The following NECTIN3 variants were observed in gnomAD, a reference collection of about 807,000 sequenced individuals.
NECTIN3 encodes nectin-3.
Under a neutral mutation model 49.4 loss-of-function variants are expected in NECTIN3, and 8 were observed. The observed-to-expected ratio is 0.16, with a 90% CI of 0.10 to 0.29. The LOEUF (loss-of-function observed/expected upper bound fraction) is 0.29, where lower values mean the gene tolerates loss of function less well. NECTIN3 is among the 10% of genes least tolerant of loss of function. NECTIN3 has a pLI of 1.00. For missense variants in NECTIN3, 581 were observed against 654.6 expected, an observed-to-expected ratio of 0.89 and a Z score of 1.23; for synonymous variants, 277 against 241.1, an observed-to-expected ratio of 1.15 and a Z score of -1.38.
downstream of NECTIN3, among the ~76,000 whole-genome samples, chr3:111,139,214 A>G (rs1314670195): frequency 6.6e-6 from 1 of 151,730 alleles, no homozygotes; most frequent in African/African-American, 2.4e-5. Flanking sequence ...ATTAATAATA[A>G]TTCCCTAACA....
At chr3:111,126,431 GA>G in intron 5 of NECTIN3, 96 bp downstream of exon 5, 3 of 1,044,834 alleles carry the variant, frequency 2.9e-6, no homozygotes, top group Non-Finnish European at 4.2e-6. Context: ...TACTTGTAAA[GA>G]TACAGATTCC....
At chr3:111,104,875 A>G (rs1284043002) in intron 1 of NECTIN3, among the ~76,000 whole-genome samples, 1 of 152,138 alleles carries the variant, frequency 6.6e-6, no homozygotes, top group African/African-American at 2.4e-5. Context: ...TTCTAGATAA[A>G]TTTTAGAACA....
At chr3:111,082,244 T>C (rs187005883) in intron 1 of NECTIN3, among the ~76,000 whole-genome samples, 5 of 152,210 alleles carry the variant, frequency 3.3e-5, no homozygotes, top group Non-Finnish European at 5.9e-5. Context: ...TTTTGAGCTG[T>C]AGCTGGAAAT....
At chr3:111,084,473 A>C (rs1433869410) in intron 1 of NECTIN3, among the ~76,000 whole-genome samples, 1 of 152,214 alleles carries the variant, frequency 6.6e-6, no homozygotes, top group Non-Finnish European at 1.5e-5. Context: ...GTACTGTGAA[A>C]GACTAGCCGA....
intron 7 of NECTIN3, among the ~76,000 whole-genome samples, chr3:111,169,702 A>G (rs919188718): frequency 1.3e-5 from 2 of 152,186 alleles, no homozygotes; most frequent in African/African-American, 4.8e-5. Context: ...TCCTGGAAAG[A>G]TGCCTAAAAT....
intron 5 of NECTIN3, among the ~76,000 whole-genome samples, chr3:111,129,525 G>C (rs988874206): frequency 2.6e-5 from 4 of 152,150 alleles, no homozygotes; most frequent in South Asian, 2.1e-4. Context: ...AAAACAATCA[G>C]GAATCAATTT....
intron 7 of NECTIN3, among the ~76,000 whole-genome samples, chr3:111,162,210 A>G (rs559205151): frequency 1.3e-5 from 2 of 152,150 alleles, no homozygotes; most frequent in Non-Finnish European, 2.9e-5. Context: ...CTTTAAAAAA[A>G]AATCTCAGTC....
At chr3:111,180,943 T>TA (rs879822106) in intron 7 of NECTIN3, among the ~76,000 whole-genome samples, 221 of 152,294 alleles carry the variant, frequency 1.5e-3, no homozygotes, top group Non-Finnish European at 2.4e-3. Context: ...GAGTTTTTTT[T>TA]AAAAAAACTT....
chr3:111,088,501 T>C (rs2032064711), intron 1 of NECTIN3, among the ~76,000 whole-genome samples: 1 of 152,220 alleles, frequency 6.6e-6, no homozygotes, highest in Non-Finnish European at 1.5e-5. Context: ...TTATCGTGAC[T>C]AGGTACTTAA....
At chr3:111,102,813 T>G (rs1482036693) in intron 1 of NECTIN3, among the ~76,000 whole-genome samples, 1 of 152,212 alleles carries the variant, frequency 6.6e-6, no homozygotes, top group Non-Finnish European at 1.5e-5. Flanking sequence ...CTATTTCAAG[T>G]TAATTTTTGT....
intron 7 of NECTIN3, among the ~76,000 whole-genome samples, chr3:111,148,575 G>A (rs1047825123): frequency 1.3e-5 from 2 of 152,070 alleles, no homozygotes; most frequent in African/African-American, 2.4e-5. Flanking sequence ...TTTGGTTTTG[G>A]TCTGGATTTG....
chr3:111,099,041 T>C (rs576625295), intron 1 of NECTIN3, among the ~76,000 whole-genome samples: 36 of 152,324 alleles, frequency 2.4e-4, no homozygotes, highest in African/African-American at 8.7e-4. Flanking sequence ...TTATAAACTT[T>C]CCTTGTGTTT....
chr3:111,120,601 A>C (rs150326498), intron 3 of NECTIN3, among the ~76,000 whole-genome samples: 18 of 152,100 alleles, frequency 1.2e-4, no homozygotes, highest in African/African-American at 4.3e-4. Flanking sequence ...TCAAAAGTTC[A>C]ATTTTTTACC....
chr3:111,092,510 A>G (rs2107396024), intron 1 of NECTIN3, among the ~76,000 whole-genome samples: 1 of 152,220 alleles, frequency 6.6e-6, no homozygotes, highest in African/African-American at 2.4e-5. Flanking sequence ...CATTTTTTTA[A>G]TATGGATATC....
chr3:111,164,286 A>G lies in NECTIN3; in HGVS notation c.1221+16802A>G, dbSNP rs190107366. 1.8e-3 allele frequency among the ~76,000 whole-genome samples: 281 copies of G among 152,308 alleles called. 1 individual carries two copies. The highest frequency in any genetic ancestry group is 3.2e-3 in the Non-Finnish European group (218 of 68,026). On this transcript the variant is annotated intron_variant, in intron 7 of 8. Coordinates refer to the NECTIN3 transcript ENST00000493615. Reference sequence around the variant, plus strand: ...GTTTAATTTACTCAAATATAATTATATTTGTTAAATATTTAGAGGCTTCAC... The same window carrying G: ...GTTTAATTTACTCAAATATAATTATGTTTGTTAAATATTTAGAGGCTTCAC...
At chr3:111,098,218 G>T (rs1231556187) in intron 1 of NECTIN3, among the ~76,000 whole-genome samples, 2 of 152,146 alleles carry the variant, frequency 1.3e-5, no homozygotes, top group Non-Finnish European at 2.9e-5. Flanking sequence ...CCCTGTTTTT[G>T]TTCATGTTAT....
At chr3:111,179,051 T>C (rs1576182942) in intron 7 of NECTIN3, among the ~76,000 whole-genome samples, 1 of 152,208 alleles carries the variant, frequency 6.6e-6, no homozygotes, top group African/African-American at 2.4e-5. Flanking sequence ...ATAAGGCAGG[T>C]AGTAAGGGAA....
intron 1 of NECTIN3, among the ~76,000 whole-genome samples, chr3:111,095,603 T>G (rs1436807064): frequency 6.6e-6 from 1 of 152,232 alleles, no homozygotes. Flanking sequence ...GGTTTGGTGG[T>G]GTCCTCACCC....
chr3:111,085,700 A>ATT (rs139730502), intron 1 of NECTIN3, among the ~76,000 whole-genome samples: 2 of 142,600 alleles, frequency 1.4e-5, no homozygotes, highest in South Asian at 2.2e-4. Flanking sequence ...ATGTAGCAGT[A>ATT]TTTTTTTTTT....
Sources: gnomAD v4.1 joint callset for allele counts (sites outside exome capture counted in the v4.1 genomes callset) on GRCh38, gnomAD v4.1.1 for gene constraint, MANE v1.5 for transcripts, NCBI Gene and HGNC (gene_info 2026-07-23, HGNC 2026-07-21) for gene names.